Variants in DNAH1 observed in about 807,000 individuals in gnomAD.
DNAH1 encodes dynein axonemal heavy chain 1.
Under a neutral mutation model 484.3 loss-of-function variants are expected in DNAH1, and 327 were observed. That is an observed-to-expected ratio of 0.68 (90% CI 0.62 to 0.74). The LOEUF (loss-of-function observed/expected upper bound fraction) is 0.74. Ranked by LOEUF, DNAH1 falls within the 30% of genes least tolerant of loss-of-function variation. The probability of loss-of-function intolerance (pLI) is 0.00; values close to 1 mark genes in which losing one functional copy is unlikely to be tolerated. For missense variants in DNAH1, 5,052 were observed against 5,546.8 expected (o/e 0.91, Z 2.83); for synonymous variants, 2,192 against 2,191.9 (o/e 1.00, Z 0.00).
Position 52,356,737 on chromosome 3 carries a change from A to G in DNAH1, c.3817A>G (p.Ile1273Val). The G allele has an allele frequency of 6.2e-7, 1 of 1,613,546 alleles. No homozygotes were observed. The highest frequency in any genetic ancestry group is 8.5e-7 in the Non-Finnish European group (1 of 1,179,688). ...CAAGCGCTACCAGACCATGGAGCGGATCTGGAAGAAGATCATGAAGAATGC... is the reference window on the plus strand; with the variant it reads ...CAAGCGCTACCAGACCATGGAGCGGGTCTGGAAGAAGATCATGAAGAATGC... Reference protein sequence around the residue: ...ESKRYQTMERIWKKIMKNAYE... With the variant: ...ESKRYQTMERVWKKIMKNAYE... The change falls in exon 22 of 78, where the codon ATC becomes GTC. Residue 1273 changes from isoleucine to valine, a missense_variant. Coordinates refer to ENST00000420323, the MANE Select transcript of DNAH1 (RefSeq NM_015512.5).
In DNAH1 at chr3:52,362,508, GC is replaced by G. The variant is rs754151486; in HGVS notation, c.5094+8del. On this transcript the variant is annotated splice_region_variant and intron_variant, in intron 31 of 77. Coordinates refer to ENST00000420323, the MANE Select transcript of DNAH1 (RefSeq NM_015512.5). The surrounding 1 kb of genome is among the most constrained non-coding windows in gnomAD (Gnocchi z 5.1). ...GCTGCCTGACAATCTGAAGGCAAGT[GC>G]AGGCCCAGAGTGGCCCAGGAAGCAC... The G allele has an allele frequency of 6.8e-6, 11 of 1,611,562 alleles. No homozygotes were observed. Among genetic ancestry groups the G allele is most frequent in the South Asian group, 6.6e-5 (6 of 90,622 alleles).
chr3:52,353,647 AG>A lies in DNAH1; in HGVS notation c.3480+15del. ...GCCATCGAGCAGGTGGGTAGCCACC[AG>A]CGGGCCCAGCCACTCCAGCCAGGCC... On this transcript the variant is annotated intron_variant, in intron 20 of 77. Transcript: ENST00000420323. This position sits in a 1 kb window ranked among gnomAD's most constrained non-coding sequence, Gnocchi z 5.0. The A allele has an allele frequency of 6.4e-7, 1 of 1,560,678 alleles. No homozygotes were observed. Among genetic ancestry groups the A allele is most frequent in the Non-Finnish European group, 8.7e-7 (1 of 1,155,450 alleles).
chr3:52,373,769 A>C, intron 44 of DNAH1: 1 of 1,418,996 alleles, frequency 7.0e-7, no homozygotes, highest in Non-Finnish European at 1.0e-6. Context: ...AATTAAAACG[A>C]GCTGCTTTAA....
chr3:52,388,948 C>G lies in DNAH1; in HGVS notation c.9495+11C>G. On this transcript the variant is annotated intron_variant, in intron 59 of 77. Transcript: ENST00000420323. ...CTGGGCCCCTTCACGGTAAGAAGTCCCCACCTCTGTCTCTGACCAGCCTCG... is the reference window on the plus strand; with the variant it reads ...CTGGGCCCCTTCACGGTAAGAAGTCGCCACCTCTGTCTCTGACCAGCCTCG... 1 of 1,584,120 alleles carries G rather than the reference C, an allele frequency of 6.3e-7. No homozygotes were observed. Among genetic ancestry groups the G allele is most frequent in the Non-Finnish European group, 8.6e-7 (1 of 1,162,028 alleles).
Position 52,350,045 on chromosome 3 carries a change from T to C in DNAH1, c.2583T>C (p.Ile861=), listed in dbSNP as rs758923911. ...AGATCTATGAGAAGCCCAACAGCATTGAGGAGCTGGCTGAGCTGCGAGAGT... is the reference window on the plus strand; with the variant it reads ...AGATCTATGAGAAGCCCAACAGCATCGAGGAGCTGGCTGAGCTGCGAGAGT... ...SRKIYEKPNS[I]EELAELREWM... The change falls in exon 15 of 78, where the codon ATT becomes ATC. Residue 861 remains isoleucine, a synonymous_variant. Coordinates refer to ENST00000420323, the MANE Select transcript of DNAH1 (RefSeq NM_015512.5). 24 of 1,613,036 alleles carry C rather than the reference T, an allele frequency of 1.5e-5. No homozygotes were observed. Among genetic ancestry groups the C allele is most frequent in the Non-Finnish European group, 1.9e-5 (23 of 1,179,722 alleles).
Position 52,346,636 on chromosome 3 carries a change from G to T in DNAH1, c.1821G>T (p.Leu607=). The change falls in exon 11 of 78, where the codon CTG becomes CTT. Residue 607 remains leucine (L), a synonymous_variant. Coordinates refer to ENST00000420323, the MANE Select transcript of DNAH1 (RefSeq NM_015512.5). ...RKLMELVKYM[L]QDTLRFLVQD... is the part of the protein sequence containing the mutation. ...TGATGGAGCTGGTGAAGTACATGCT[G>T]CAGGACACACTGCGCTTCCTGGTGC... The T allele has an allele frequency of 6.2e-7, 1 of 1,614,064 alleles. No homozygotes were observed. The highest frequency in any genetic ancestry group is 8.5e-7 in the Non-Finnish European group (1 of 1,179,898).
Position 52,386,316 on chromosome 3 carries a change from C to A in DNAH1, c.8782C>A (p.Arg2928Ser). Reference protein sequence around the residue: ...PALDAALASLRNLNKNDVTEV... With the variant: ...PALDAALASLSNLNKNDVTEV... ...CCTGGATGCGGCTCTGGCCAGCCTG[C>A]GCAACCTCAACAAGAACGATGTGAC... is the stretch of plus-strand genomic sequence containing the variant. Residue 2928 changes from arginine (R) to serine (S), a missense_variant, in exon 55 of 78, where the codon CGC becomes AGC. This residue lies in a region of DNAH1 where 2,929 missense variants were observed against 3,409.4 expected (regional missense o/e 0.86). Transcript: ENST00000420323. 1.3e-6 allele frequency: 2 copies of A among 1,592,492 alleles called. No homozygotes were observed. The highest frequency in any genetic ancestry group is 1.7e-6 in the Non-Finnish European group (2 of 1,170,044).
chr3:52,375,522 A>G, intron 45 of DNAH1, 109 bp downstream of exon 45: 1 of 1,224,996 alleles, frequency 8.2e-7, no homozygotes, highest in Non-Finnish European at 1.1e-6. Context: ...CCAAACCATG[A>G]CCGCAACCCT....
intron 9 of DNAH1, 75 bp from the exon 10 acceptor site, chr3:52,345,420 A>T: frequency 7.8e-7 from 1 of 1,281,168 alleles, no homozygotes; most frequent in Non-Finnish European, 1.1e-6. Context: ...TCCTTCAAGC[A>T]CCCTGTGGAT....
rs145765456 is a variant in DNAH1 at position 52,381,393 on chromosome 3, G to A, written c.7609-247G>A. Among the ~76,000 whole-genome samples the A allele has an allele frequency of 4.0e-3, 607 of 152,262 alleles. 6 individuals carry two copies. The highest frequency in any genetic ancestry group is 0.014 in the African/African-American group (578 of 41,538). ...TTCCCACAGTGCTGGGATTACAGGC[G>A]TGAGCCACCGCGCTAGGCCAATCCC... On this transcript the variant is annotated intron_variant, in intron 48 of 77. Transcript: ENST00000420323. The surrounding 1 kb of genome is among the most constrained non-coding windows in gnomAD (Gnocchi z 4.1).
At chr3:52,393,125 C>G in intron 65 of DNAH1, 100 bp downstream of exon 65, 1 of 1,463,986 alleles carries the variant, frequency 6.8e-7, no homozygotes, top group African/African-American at 1.4e-5. Flanking sequence ...TGTTCACTGG[C>G]GTACACTCTC....
chr3:52,364,614 A>C lies in DNAH1; in HGVS notation c.5245-24A>C, dbSNP rs763006829. ...CCTTGGAGAGGGACAGTGCTCACCC[A>C]TGCCTCCTTCTGTATGGCGACAGGA... is the stretch of plus-strand genomic sequence containing the variant. On this transcript the variant is annotated intron_variant, in intron 32 of 77. Coordinates refer to ENST00000420323, the MANE Select transcript of DNAH1 (RefSeq NM_015512.5). The surrounding 1 kb of genome is among the most constrained non-coding windows in gnomAD (Gnocchi z 4.2). 4.3e-6 allele frequency: 7 copies of C among 1,613,460 alleles called. No individual in the cohort carries two copies. Among genetic ancestry groups the C allele is most frequent in the Non-Finnish European group, 5.9e-6 (7 of 1,179,492 alleles).
At position 52,355,153 on chromosome 3, in the gene DNAH1, C is replaced by G. The variant is rs1228553355; in HGVS notation, c.3693+98C>G. ...GGTCTCCGGGTGGGGTTCAAAGCAT[C>G]GCAGTGCCTTGCCCTCATTCACACA... is the stretch of plus-strand genomic sequence containing the variant. On this transcript the variant is annotated intron_variant, in intron 21 of 77. Coordinates refer to ENST00000420323, the MANE Select transcript of DNAH1 (RefSeq NM_015512.5). This position sits in a 1 kb window ranked among gnomAD's most constrained non-coding sequence, Gnocchi z 4.5. 2 of 1,228,888 alleles carry G rather than the reference C, an allele frequency of 1.6e-6. No homozygotes were observed. The highest frequency in any genetic ancestry group is 4.8e-5 in the East Asian group (2 of 41,822). 76.1% of individuals were successfully genotyped at this position (1,228,888 alleles called of 1,614,324 possible). A position where few individuals can be genotyped will look rare whatever the true frequency, so the allele number is the denominator to read the frequency against.
At chr3:52,363,171 A>G (rs1186026125) in intron 32 of DNAH1, 27 bp downstream of exon 32, 3 of 1,608,278 alleles carry the variant, frequency 1.9e-6, no homozygotes, top group Non-Finnish European at 1.7e-6. Context: ...ATGGGTTTCC[A>G]GGGTCTGAAA....
intron 72 of DNAH1, 33 bp downstream of exon 72, chr3:52,396,830 T>C: frequency 6.2e-7 from 1 of 1,612,362 alleles, no homozygotes; most frequent in Non-Finnish European, 8.5e-7. Context: ...CCTGGGGGAC[T>C]GGGCACTTAG....
chr3:52,359,992 T>C lies in DNAH1; in HGVS notation c.4484T>C (p.Ile1495Thr), dbSNP rs373210302. The change falls in exon 27 of 78, where the codon ATT becomes ACT. Residue 1495 changes from isoleucine (I) to threonine (T), a missense_variant. Ile to Thr is a moderately conservative substitution (Grantham distance 89). Around this residue, in one of 4 missense-constraint regions of DNAH1, gnomAD observed 2,929 missense variants for 3,409.4 expected, o/e 0.86. Coordinates refer to ENST00000420323, the MANE Select transcript of DNAH1 (RefSeq NM_015512.5). The stretch of plus-strand genomic sequence containing the variant: ...GCAGTGCTGTCAGCGCTAATCGTCA[T>C]TGAGGTCCATGCCAAGGACGTGGTG... ...QRAVLSALIVIEVHAKDVVSK... is the reference protein window; with the variant it reads ...QRAVLSALIVTEVHAKDVVSK... The C allele has an allele frequency of 4.3e-6, 7 of 1,613,808 alleles. No homozygotes were observed. The African/African-American group carries it at 5.3e-5, about 12-fold the overall frequency.
chr3:52,398,247 G>A, intron 75 of DNAH1, 85 bp downstream of exon 75: 1 of 1,473,754 alleles, frequency 6.8e-7, no homozygotes, highest in Non-Finnish European at 9.0e-7. Flanking sequence ...TGGGCCAGGT[G>A]CCATGCCAAG....
At chr3:52,369,177 T>C (rs1703211771) in intron 37 of DNAH1, among the ~76,000 whole-genome samples, 1 of 152,130 alleles carries the variant, frequency 6.6e-6, no homozygotes, top group East Asian at 1.9e-4. Context: ...CCTCTTTCTT[T>C]TGTGCTCGAG....
chr3:52,378,479 C>A, intron 46 of DNAH1, 123 bp from the exon 47 acceptor site: 2 of 1,104,858 alleles, frequency 1.8e-6, no homozygotes, highest in Non-Finnish European at 2.7e-6. Flanking sequence ...GAATCCAAGC[C>A]TGAAGGCTGG....
Sources: allele counts gnomAD v4.1 joint callset (sites outside exome capture counted in the v4.1 genomes callset), GRCh38; gene constraint gnomAD v4.1.1; regional missense constraint gnomAD v4.1.1; non-coding constraint Gnocchi (gnomAD v3.1); transcripts MANE v1.5; gene names NCBI Gene and HGNC (gene_info 2026-07-23, HGNC 2026-07-21).